Variants in CTNNA2 observed in about 807,000 individuals in gnomAD.
CTNNA2 encodes catenin alpha-2.
In CTNNA2, 42 loss-of-function variants were observed where a neutral mutation model predicts 101.0. That is an observed-to-expected ratio of 0.42 (90% confidence interval 0.32 to 0.54). CTNNA2 has a LOEUF of 0.54. Among genes scored for constraint, CTNNA2 ranks in the 20% least tolerant of loss-of-function variants. CTNNA2 has a pLI of 0.14. For missense variants in CTNNA2, 871 were observed against 1,223.1 expected (o/e 0.71, Z 4.29); for synonymous variants, 450 against 456.4 (o/e 0.99, Z 0.18).
At position 80,260,823 on chromosome 2, in the gene CTNNA2, G is replaced by A. The variant is rs558388307; in HGVS notation, c.1057-132388G>A. On this transcript the variant is annotated intron_variant, in intron 7 of 18. Coordinates refer to ENST00000402739, the MANE Select transcript of CTNNA2 (RefSeq NM_001282597.3). ...TAAGAAAGAAGTCAGCTGATAATTC[G>A]TAATTGAATTAAGCATTTGAGGATG... Among the ~76,000 whole-genome samples the A allele has an allele frequency of 2.6e-5, 4 of 152,322 alleles. No homozygotes were observed. In the East Asian group the frequency reaches 5.8e-4, roughly 22 times the overall value.
intron 3 of CTNNA2, among the ~76,000 whole-genome samples, chr2:79,364,973 G>T (rs1263587628): frequency 6.6e-6 from 1 of 152,040 alleles, no homozygotes; most frequent in Non-Finnish European, 1.5e-5. Flanking sequence ...GCATTCCTTG[G>T]TATGTGTAAA....
chr2:79,511,501 G>A (rs1216192506), upstream of CTNNA2, among the ~76,000 whole-genome samples: 2 of 152,172 alleles, frequency 1.3e-5, no homozygotes, highest in Non-Finnish European at 2.9e-5. Context: ...AACGCTAGGT[G>A]GTAAGAGCAC....
chr2:80,467,608 CTTGACATTTCT>C (rs1684967886), intron 9 of CTNNA2, among the ~76,000 whole-genome samples: 1 of 152,172 alleles, frequency 6.6e-6, no homozygotes, highest in Non-Finnish European at 1.5e-5. Context: ...GCAATGCTGA[CTTGACATTTCT>C]TTCTTTTTTT....
rs368350693 is a variant in CTNNA2 at position 80,384,682 on chromosome 2, G to A, written c.1057-8529G>A. 5.9e-5 allele frequency among the ~76,000 whole-genome samples: 9 copies of A among 151,758 alleles called. No individual in the cohort carries two copies. In the East Asian group the frequency reaches 1.5e-3, roughly 26 times the overall value. On this transcript the variant is annotated intron_variant, in intron 7 of 18. Transcript: ENST00000402739. ...TTTGATGGGTGGTTTCTCAAGGTTA[G>A]TAACTAACTGGATTTAGGGGAGAAA...
intron 2 of CTNNA2, among the ~76,000 whole-genome samples, chr2:79,692,414 G>A (rs547497548): frequency 1.4e-4 from 21 of 152,140 alleles, no homozygotes; most frequent in African/African-American, 5.1e-4. Context: ...GCTTTTACAC[G>A]GTTGGTAGAA....
intron 4 of CTNNA2, among the ~76,000 whole-genome samples, chr2:79,397,845 G>A (rs957056621): frequency 6.6e-6 from 1 of 151,892 alleles, no homozygotes; most frequent in Admixed American, 6.6e-5. Context: ...ATTTCTTGTA[G>A]AGACAGTGTC....
intron 7 of CTNNA2, among the ~76,000 whole-genome samples, chr2:80,065,935 A>T (rs1697956040): frequency 6.6e-6 from 1 of 152,180 alleles, no homozygotes; most frequent in Non-Finnish European, 1.5e-5. Flanking sequence ...AAGATTGACC[A>T]ACACTTTTTA....
chr2:80,280,392 G>A (rs17018942), intron 7 of CTNNA2, among the ~76,000 whole-genome samples: 8,484 of 151,516 alleles, frequency 0.056, 413 homozygotes, highest in South Asian at 0.28. Context: ...AAATTCTGGA[G>A]CCTTAGATAG....
intron 7 of CTNNA2, among the ~76,000 whole-genome samples, chr2:80,091,158 A>G (rs1380160753): frequency 6.6e-6 from 1 of 152,110 alleles, no homozygotes; most frequent in African/African-American, 2.4e-5. Context: ...TTGGAATTCC[A>G]GCAGTTTTTT....
At chr2:80,028,756 G>A (rs1695099785) in intron 7 of CTNNA2, among the ~76,000 whole-genome samples, 1 of 152,188 alleles carries the variant, frequency 6.6e-6, no homozygotes. Flanking sequence ...GTTAGAGAGA[G>A]GTGTGAAGAG....
intron 9 of CTNNA2, among the ~76,000 whole-genome samples, chr2:80,424,186 C>G (rs1278651045): frequency 6.6e-6 from 1 of 152,148 alleles, no homozygotes; most frequent in Non-Finnish European, 1.5e-5. Flanking sequence ...AAACTCCTGA[C>G]TTTGTGATCT....
intron 2 of CTNNA2, among the ~76,000 whole-genome samples, chr2:79,230,791 A>T (rs181648697): frequency 1.1e-3 from 165 of 152,352 alleles, no homozygotes; most frequent in African/African-American, 3.9e-3. Context: ...GCTGCCCAAG[A>T]CTATGGGAAC....
intron 2 of CTNNA2, among the ~76,000 whole-genome samples, chr2:79,207,672 A>G (rs1363031412): frequency 6.6e-6 from 1 of 152,198 alleles, no homozygotes; most frequent in Admixed American, 6.5e-5. Flanking sequence ...TTTTAGCAAG[A>G]AGTGGCTCCC....
At chr2:79,372,476 G>T (rs1302756702) in intron 3 of CTNNA2, among the ~76,000 whole-genome samples, 1 of 152,110 alleles carries the variant, frequency 6.6e-6, no homozygotes, top group Admixed American at 6.5e-5. Flanking sequence ...TTCTACCATT[G>T]AAAGCCAGGC....
chr2:79,219,978 A>T (rs1038413574), intron 2 of CTNNA2, among the ~76,000 whole-genome samples: 3 of 152,140 alleles, frequency 2.0e-5, no homozygotes, highest in Non-Finnish European at 2.9e-5. Flanking sequence ...TCCTCCTAGG[A>T]GTTTTCCTAT....
intron 3 of CTNNA2, among the ~76,000 whole-genome samples, chr2:79,848,256 C>CA (rs1680398011): frequency 6.6e-6 from 1 of 152,148 alleles, no homozygotes; most frequent in Non-Finnish European, 1.5e-5. Context: ...AATTTACATT[C>CA]CATCAGTGTA....
intron 2 of CTNNA2, among the ~76,000 whole-genome samples, chr2:79,241,451 A>C (rs945485571): frequency 1.3e-5 from 2 of 152,216 alleles, no homozygotes; most frequent in Admixed American, 1.3e-4. Flanking sequence ...TGAGAGAAGC[A>C]TTAAGTCAGT....
At chr2:79,684,810 A>G (rs1041783108) in intron 2 of CTNNA2, among the ~76,000 whole-genome samples, 1 of 152,098 alleles carries the variant, frequency 6.6e-6, no homozygotes, top group African/African-American at 2.4e-5. Flanking sequence ...TGTCTGTAGG[A>G]GAGATTGAAG....
At chr2:79,635,403 G>T (rs917742442) in intron 1 of CTNNA2, among the ~76,000 whole-genome samples, 3 of 151,862 alleles carry the variant, frequency 2.0e-5, no homozygotes, top group African/African-American at 7.3e-5. Context: ...CTGCACTCCA[G>T]CCTGGGTGGC....
Sources: allele counts gnomAD v4.1 joint callset (sites outside exome capture counted in the v4.1 genomes callset), GRCh38; gene constraint gnomAD v4.1.1; transcripts MANE v1.5; gene names NCBI Gene and HGNC (gene_info 2026-07-23, HGNC 2026-07-21).